Variants in IQGAP2 observed in about 807,000 individuals in gnomAD.
IQGAP2 encodes IQ motif containing GTPase activating protein 2, also known as ras GTPase-activating-like protein IQGAP2.
Under a neutral mutation model 201.3 loss-of-function variants are expected in IQGAP2, and 173 were observed. That is an observed-to-expected ratio of 0.86 (90% CI 0.76 to 0.98). The LOEUF is 0.98. IQGAP2 is among the 50% of genes least tolerant of loss of function. The pLI, the probability that IQGAP2 is intolerant of heterozygous loss-of-function variation, is 0.00. For synonymous variants in IQGAP2, 675 were observed against 673.9 expected (o/e 1.00, Z -0.03); for missense variants, 1,687 against 1,864.8 (o/e 0.90, Z 1.76).
chr5:76,499,251 G>C (rs1757148036), intron 2 of IQGAP2, among the ~76,000 whole-genome samples: 1 of 152,158 alleles, frequency 6.6e-6, no homozygotes, highest in Admixed American at 6.5e-5. Flanking sequence ...CCATAAACTT[G>C]GTTGTCTTTT....
chr5:76,441,586 G>A (rs547701301), intron 1 of IQGAP2: 12 of 872,186 alleles, frequency 1.4e-5, no homozygotes, highest in South Asian at 1.1e-4. Context: ...GAATCTCAGC[G>A]GTATGTTTGG....
At chr5:76,674,810 C>G (rs1367287963) in intron 27 of IQGAP2, 101 bp downstream of exon 27, 2 of 818,808 alleles carry the variant, frequency 2.4e-6, no homozygotes, top group Admixed American at 4.6e-5. Flanking sequence ...GGACAGGAAC[C>G]CCAGGTGGTT....
chr5:76,414,184 A>C (rs1328036525), intron 1 of IQGAP2, among the ~76,000 whole-genome samples: 2 of 152,206 alleles, frequency 1.3e-5, no homozygotes, highest in African/African-American at 4.8e-5. Context: ...AAAGGGGACC[A>C]TTGTAATCAG....
chr5:76,581,842 A>G (rs1329368223), intron 5 of IQGAP2, among the ~76,000 whole-genome samples: 1 of 152,222 alleles, frequency 6.6e-6, no homozygotes, highest in East Asian at 1.9e-4. Flanking sequence ...AGTAAATAAA[A>G]CTATTTCAAA....
At chr5:76,667,557 G>A (rs1252851166) in intron 22 of IQGAP2, among the ~76,000 whole-genome samples, 1 of 152,148 alleles carries the variant, frequency 6.6e-6, no homozygotes, top group African/African-American at 2.4e-5. Context: ...ACATCACCAT[G>A]AAGGCTGGTT....
intron 1 of IQGAP2, among the ~76,000 whole-genome samples, chr5:76,453,394 A>C (rs1393190375): frequency 6.6e-6 from 1 of 152,210 alleles, no homozygotes; most frequent in Non-Finnish European, 1.5e-5. Context: ...CAGAAAAAAA[A>C]CCCACTTGTA....
rs556827917 is a variant in IQGAP2, at chr5:76,650,233, C to T, written c.2095-2517C>T. Among the ~76,000 whole-genome samples, 156 of 152,344 alleles carry T rather than the reference C, an allele frequency of 1.0e-3. 1 individual carries two copies. The highest frequency in any genetic ancestry group is 1.9e-3 in the Admixed American group (29 of 15,300). On this transcript the variant is annotated intron_variant, in intron 17 of 35. Coordinates refer to ENST00000274364, the MANE Select transcript of IQGAP2 (RefSeq NM_006633.5). Reference sequence around the variant, plus strand: ...GGCATGAGCCATCATGTCCAGTTCACATCTTTATATAAGTTTGTATTTGTA... The same window carrying T: ...GGCATGAGCCATCATGTCCAGTTCATATCTTTATATAAGTTTGTATTTGTA...
chr5:76,567,354 A>G (rs1187428589), intron 3 of IQGAP2, among the ~76,000 whole-genome samples: 1 of 152,254 alleles, frequency 6.6e-6, no homozygotes, highest in African/African-American at 2.4e-5. Flanking sequence ...ATGCTTAGTC[A>G]GTATGTCTGA....
chr5:76,564,264 C>T (rs1744583303), intron 3 of IQGAP2, among the ~76,000 whole-genome samples: 1 of 152,202 alleles, frequency 6.6e-6, no homozygotes, highest in African/African-American at 2.4e-5. Flanking sequence ...TATTAGTCCA[C>T]ATTTTAGACT....
intron 5 of IQGAP2, among the ~76,000 whole-genome samples, chr5:76,586,096 T>G (rs937520358): frequency 3.3e-5 from 5 of 152,220 alleles, no homozygotes; most frequent in African/African-American, 7.2e-5. Context: ...TAATGACTTG[T>G]TGGCATGAAC....
At chr5:76,484,818 CTCTT>C (rs1756014340) in intron 2 of IQGAP2, among the ~76,000 whole-genome samples, 1 of 151,652 alleles carries the variant, frequency 6.6e-6, no homozygotes, top group Non-Finnish European at 1.5e-5. Flanking sequence ...CTCTCTCTCT[CTCTT>C]TTTGTTATTG....
chr5:76,510,605 T>C, intron 2 of IQGAP2: 1 of 506,846 alleles, frequency 2.0e-6, no homozygotes, highest in South Asian at 1.5e-5. Flanking sequence ...GCCATCGATG[T>C]CCTCTAGATC....
chr5:76,447,052 G>A (rs536326723), intron 1 of IQGAP2, among the ~76,000 whole-genome samples: 1 of 152,334 alleles, frequency 6.6e-6, no homozygotes, highest in South Asian at 2.1e-4. Flanking sequence ...ACAGAGATTG[G>A]TAGTAACATG....
At chr5:76,549,912 A>G (rs752547603) in intron 2 of IQGAP2, among the ~76,000 whole-genome samples, 4 of 152,184 alleles carry the variant, frequency 2.6e-5, no homozygotes, top group Non-Finnish European at 4.4e-5. Flanking sequence ...AGGGGAACAC[A>G]GTTCTGACCA....
chr5:76,481,494 G>A (rs563522587), intron 2 of IQGAP2, among the ~76,000 whole-genome samples: 2 of 151,680 alleles, frequency 1.3e-5, no homozygotes, highest in South Asian at 2.1e-4. Flanking sequence ...GCAATTCTCC[G>A]GCTTTAGTCT....
chr5:76,439,450 C>T lies in IQGAP2; in HGVS notation c.47-22120C>T, dbSNP rs188260593. On this transcript the variant is annotated intron_variant, in intron 1 of 35. Coordinates refer to ENST00000274364, the MANE Select transcript of IQGAP2 (RefSeq NM_006633.5). The stretch of plus-strand genomic sequence containing the variant: ...TGCTATCAGTGGAGTACTGAAGTCC[C>T]GTACTATTATTGTGTTGCTGTCTAT... Among the ~76,000 whole-genome samples, 21 of 152,188 alleles carry T rather than the reference C, an allele frequency of 1.4e-4. No individual in the cohort carries two copies. The East Asian group carries it at 2.5e-3, about 18-fold the overall frequency.
intron 2 of IQGAP2, among the ~76,000 whole-genome samples, chr5:76,490,882 T>C (rs1265362583): frequency 6.6e-6 from 1 of 152,214 alleles, no homozygotes; most frequent in Non-Finnish European, 1.5e-5. Context: ...TTGAGCATTT[T>C]TCTTTAAATA....
At chr5:76,503,462 A>C (rs1757409517) in intron 2 of IQGAP2, among the ~76,000 whole-genome samples, 1 of 151,926 alleles carries the variant, frequency 6.6e-6, no homozygotes, top group Non-Finnish European at 1.5e-5. Context: ...GGCATCAGCC[A>C]CCGCTCCTGG....
intron 1 of IQGAP2, among the ~76,000 whole-genome samples, chr5:76,419,333 T>TTTTTGTTTTG (rs59552965): frequency 1.3e-4 from 20 of 150,444 alleles, no homozygotes; most frequent in Admixed American, 2.7e-4. Flanking sequence ...TCACTAGGGT[T>TTTTTGTTTTG]TTTTGTTTTG....
Sources: allele counts gnomAD v4.1 joint callset (sites outside exome capture counted in the v4.1 genomes callset), GRCh38; gene constraint gnomAD v4.1.1; transcripts MANE v1.5; gene names NCBI Gene and HGNC (gene_info 2026-07-23, HGNC 2026-07-21).